AACS: variants seen among roughly 807,000 people sequenced by gnomAD.
AACS encodes acetoacetate-CoA ligase.
Under a neutral mutation model 83.1 loss-of-function variants are expected in AACS, and 69 were observed. The observed-to-expected ratio is 0.83, with a 90% confidence interval of 0.68 to 1.01. The LOEUF is 1.01. Ranked by LOEUF, AACS falls within the 50% of genes least tolerant of loss-of-function variation. The probability of loss-of-function intolerance (pLI) is 0.00; values close to 1 mark genes in which losing one functional copy is unlikely to be tolerated. For synonymous variants in AACS, 333 were observed against 343.4 expected, an observed-to-expected ratio of 0.97 and a Z score of 0.33; for missense variants, 866 against 882.2, an observed-to-expected ratio of 0.98 and a Z score of 0.23.
chr12:125,112,550 T>C (rs1956975699), intron 8 of AACS, among the ~76,000 whole-genome samples: 1 of 151,732 alleles, frequency 6.6e-6, no homozygotes, highest in African/African-American at 2.4e-5. Flanking sequence ...CATGGTGGTG[T>C]GTGCCTGTAG....
Position 125,093,228 on chromosome 12 carries a change from G to A in AACS, c.570+1705G>A, listed in dbSNP as rs910267224. Among the ~76,000 whole-genome samples the A allele has an allele frequency of 3.3e-5, 5 of 152,246 alleles. 1 individual carries two copies. Among genetic ancestry groups the A allele is most frequent in the African/African-American group, 1.2e-4 (5 of 41,474 alleles). ...TGGGAGAGCCGTGTGTGGCAGGGGA[G>A]TGATCATGGCCTCCCAGAGCTGGAG... On this transcript the variant is annotated intron_variant, in intron 5 of 17. Transcript: ENST00000316519.
chr12:125,112,408 TGG>T (rs981937830), intron 8 of AACS, among the ~76,000 whole-genome samples: 17 of 152,000 alleles, frequency 1.1e-4, no homozygotes, highest in Non-Finnish European at 7.4e-5. Flanking sequence ...GGGCTGGGTG[TGG>T]TGGCTCATGC....
chr12:125,069,842 T>G (rs1009216349), intron 1 of AACS, among the ~76,000 whole-genome samples: 8 of 152,232 alleles, frequency 5.3e-5, no homozygotes, highest in African/African-American at 1.9e-4. Flanking sequence ...AGAGCTCATG[T>G]GAAGATAGTG....
intron 10 of AACS, 58 bp from the exon 11 acceptor site, chr12:125,124,647 G>A: frequency 6.3e-7 from 1 of 1,596,414 alleles, no homozygotes; most frequent in Non-Finnish European, 8.6e-7. Flanking sequence ...ACTTTAGAAA[G>A]CTTTGGTGCA....
intron 3 of AACS, among the ~76,000 whole-genome samples, chr12:125,082,022 C>G (rs571852535): frequency 8.6e-5 from 13 of 151,190 alleles, no homozygotes; most frequent in Admixed American, 3.3e-4. Flanking sequence ...ATTACAGGCA[C>G]GTGCCAGCAT....
chr12:125,142,354 T>C lies in AACS; in HGVS notation c.*125T>C. On this transcript the variant is annotated 3_prime_UTR_variant, in exon 18 of 18. Transcript: ENST00000316519. ...GCTCGCACCAAGTGTTCTGTAGGCTTGGGGAGGGATCGTTTCTCTGTTTTG... is the reference window on the plus strand; with the variant it reads ...GCTCGCACCAAGTGTTCTGTAGGCTCGGGGAGGGATCGTTTCTCTGTTTTG... The C allele has an allele frequency of 3.7e-6, 5 of 1,339,544 alleles. No individual in the cohort carries two copies. The highest frequency in any genetic ancestry group is 5.0e-6 in the Non-Finnish European group (5 of 990,870). 83.0% of individuals were successfully genotyped at this position (1,339,544 alleles called of 1,614,324 possible). A position where few individuals can be genotyped will look rare whatever the true frequency, so the allele number is the denominator to read the frequency against.
At chr12:125,089,419 C>G (rs1396561285) in intron 4 of AACS, among the ~76,000 whole-genome samples, 1 of 152,168 alleles carries the variant, frequency 6.6e-6, no homozygotes, top group African/African-American at 2.4e-5. Flanking sequence ...GTTCATGGCC[C>G]TTCGTCTCGT....
At position 125,103,131 on chromosome 12, in the gene AACS, C is replaced by T. The variant is rs1956753459; in HGVS notation, c.767+50C>T. On this transcript the variant is annotated intron_variant, in intron 7 of 17. Transcript: ENST00000316519. ...AGGTCCGTGTGGACCCACTGGAGCT[C>T]CTGCGGGGAAGTAGGCCTCTGGATC... 3 of 1,524,684 alleles carry T rather than the reference C, an allele frequency of 2.0e-6. 1 individual carries two copies. The highest frequency in any genetic ancestry group is 1.8e-6 in the Non-Finnish European group (2 of 1,114,930). The allele number at this position is 1,524,684 out of a possible 1,614,324, so 94.4% of individuals were successfully genotyped here.
chr12:125,128,059 A>C, intron 12 of AACS, 102 bp from the exon 13 acceptor site: 3 of 741,502 alleles, frequency 4.0e-6, no homozygotes, highest in Non-Finnish European at 6.5e-6. Flanking sequence ...CTGGGAGAGT[A>C]GATATTTGTC....
chr12:125,134,921 G>A lies in AACS; in HGVS notation c.1678+69G>A. On this transcript the variant is annotated intron_variant, in intron 16 of 17. Transcript: ENST00000316519. ...GAGGAGGGTCCTGGCGGGAGCCCCA[G>A]GAGCCCCACCTTTGGCACAACTCTG... is the stretch of plus-strand genomic sequence containing the variant. The A allele has an allele frequency of 1.9e-6, 3 of 1,580,272 alleles. No individual in the cohort carries two copies. The East Asian group carries it at 6.8e-5, about 36-fold the overall frequency.
At chr12:125,065,746 C>A in intron 1 of AACS, 29 bp downstream of exon 1, 1 of 1,508,708 alleles carries the variant, frequency 6.6e-7, no homozygotes, top group Non-Finnish European at 8.9e-7. Context: ...GCCGGGCCTG[C>A]GGGGGATGGG....
chr12:125,108,944 G>C (rs561081412), intron 8 of AACS, among the ~76,000 whole-genome samples: 33 of 144,998 alleles, frequency 2.3e-4, no homozygotes, highest in African/African-American at 8.0e-4. Flanking sequence ...TATTCCACCT[G>C]CCTTGGCCTC....
intron 7 of AACS, chr12:125,105,254 T>A (rs961104565): frequency 2.0e-5 from 3 of 152,232 alleles, no homozygotes; most frequent in African/African-American, 7.2e-5. Context: ...AATAAGCTGC[T>A]GCTCTGCAAA....
At chr12:125,136,164 C>T (rs1957397732) in intron 16 of AACS, 1 of 158,372 alleles carries the variant, frequency 6.3e-6, no homozygotes, top group South Asian at 1.9e-4. Context: ...ATCCTCCTGC[C>T]TCAGCTTCCC....
At chr12:125,102,833 G>T in intron 6 of AACS, 40 bp downstream of exon 6, 1 of 1,581,646 alleles carries the variant, frequency 6.3e-7, no homozygotes, top group East Asian at 2.2e-5. Context: ...ATGGCTGGGT[G>T]TGTGTGTGGG....
chr12:125,123,751 T>C (rs1957194985), intron 10 of AACS: 1 of 152,228 alleles, frequency 6.6e-6, no homozygotes, highest in Non-Finnish European at 1.5e-5. Context: ...TCTCACAGCC[T>C]CCTCTAGGCC....
chr12:125,103,651 G>A (rs7307700), intron 7 of AACS, among the ~76,000 whole-genome samples: 79,799 of 152,080 alleles, frequency 0.52, 21,305 homozygotes, highest in African/African-American at 0.63. Flanking sequence ...GACATTTGTA[G>A]AAGAATAAGC....
chr12:125,118,550 G>A (rs1189917518), intron 9 of AACS, 91 bp from the exon 10 acceptor site: 2 of 1,549,416 alleles, frequency 1.3e-6, no homozygotes, highest in East Asian at 2.3e-5. Flanking sequence ...TCCATCTTAG[G>A]TGGTTTCCCA....
At chr12:125,106,314 C>A (rs935113906) in intron 7 of AACS, among the ~76,000 whole-genome samples, 1 of 152,196 alleles carries the variant, frequency 6.6e-6, no homozygotes, top group Non-Finnish European at 1.5e-5. Context: ...GTTTCTAGTG[C>A]AGAAAACAAA....
Sources: gnomAD v4.1 joint callset for allele counts (sites outside exome capture counted in the v4.1 genomes callset) on GRCh38, gnomAD v4.1.1 for gene constraint, MANE v1.5 for transcripts, NCBI Gene and HGNC (gene_info 2026-07-23, HGNC 2026-07-21) for gene names.